RIT2: variants seen among roughly 807,000 people sequenced by gnomAD.
RIT2 encodes GTP-binding protein Rit2.
Under a neutral mutation model 23.7 loss-of-function variants are expected in RIT2, and 24 were observed. The observed-to-expected ratio is 1.01, with a 90% confidence interval of 0.73 to 1.43. The LOEUF is 1.43. Among genes scored for constraint, RIT2 ranks in the 40% most tolerant of loss-of-function variants. The pLI is 0.00. For missense variants in RIT2, 236 were observed against 266.9 expected, an observed-to-expected ratio of 0.88 and a Z score of 0.81; for synonymous variants, 107 against 91.1, an observed-to-expected ratio of 1.17 and a Z score of -0.99.
chr18:42,977,883 T>C (rs1910509868), intron 2 of RIT2, among the ~76,000 whole-genome samples: 1 of 150,172 alleles, frequency 6.7e-6, no homozygotes, highest in Non-Finnish European at 1.5e-5. Context: ...TGGCCAACCA[T>C]ACAATTTTTC....
chr18:43,090,739 T>C (rs1281069551), intron 1 of RIT2, among the ~76,000 whole-genome samples: 1 of 151,986 alleles, frequency 6.6e-6, no homozygotes, highest in African/African-American at 2.4e-5. Flanking sequence ...GCAAGTTTGC[T>C]AAGGCCATTA....
chr18:42,931,297 T>C (rs1458719797), intron 3 of RIT2, among the ~76,000 whole-genome samples: 1 of 152,162 alleles, frequency 6.6e-6, no homozygotes, highest in Non-Finnish European at 1.5e-5. Flanking sequence ...GGAAAGAGTA[T>C]CAAATCCTTA....
intron 4 of RIT2, among the ~76,000 whole-genome samples, chr18:42,831,921 T>C (rs926680456): frequency 5.9e-5 from 9 of 152,202 alleles, no homozygotes; most frequent in Non-Finnish European, 2.9e-5. Flanking sequence ...CCTACACTAA[T>C]CCTGTAGCTT....
chr18:42,769,095 T>C (rs557713492), intron 4 of RIT2, among the ~76,000 whole-genome samples: 20 of 152,260 alleles, frequency 1.3e-4, no homozygotes, highest in Admixed American at 3.9e-4. Context: ...GAAATCATCA[T>C]GTCCTTTGAT....
chr18:42,892,079 T>C (rs1908195038), intron 4 of RIT2, among the ~76,000 whole-genome samples: 1 of 152,136 alleles, frequency 6.6e-6, no homozygotes, highest in South Asian at 2.1e-4. Flanking sequence ...ATAAAGCCTA[T>C]TCACCACGAC....
intron 4 of RIT2, among the ~76,000 whole-genome samples, chr18:42,771,365 A>G (rs1913548132): frequency 6.6e-6 from 1 of 152,158 alleles, no homozygotes; most frequent in Non-Finnish European, 1.5e-5. Context: ...GACATATTTT[A>G]CTTAAAATTA....
intron 4 of RIT2, among the ~76,000 whole-genome samples, chr18:42,858,494 G>A (rs1907245295): frequency 6.6e-6 from 1 of 152,148 alleles, no homozygotes; most frequent in African/African-American, 2.4e-5. Context: ...CCACAAAGGA[G>A]TCCCCTGAAT....
At chr18:43,017,495 T>G in intron 2 of RIT2, among the ~76,000 whole-genome samples, 1 of 152,070 alleles carries the variant, frequency 6.6e-6, no homozygotes, top group East Asian at 1.9e-4. Flanking sequence ...TTTAATTAGC[T>G]TCTGAATTTA....
chr18:43,104,505 G>T (rs1194167657), intron 1 of RIT2, among the ~76,000 whole-genome samples: 1 of 151,890 alleles, frequency 6.6e-6, no homozygotes, highest in Non-Finnish European at 1.5e-5. Flanking sequence ...ATTATACATT[G>T]TATACACCTA....
chr18:43,105,122 GTGTGTGTGTT>G (rs1382762752), intron 1 of RIT2, among the ~76,000 whole-genome samples: 50 of 148,434 alleles, frequency 3.4e-4, no homozygotes, highest in Admixed American at 4.0e-4. Context: ...GTGTGTGTGT[GTGTGTGTGTT>G]TGTGTGTGTG....
chr18:42,879,876 A>G (rs1907841211), intron 4 of RIT2, among the ~76,000 whole-genome samples: 1 of 152,166 alleles, frequency 6.6e-6, no homozygotes, highest in Admixed American at 6.5e-5. Flanking sequence ...ATTGAGTTTT[A>G]ATCTCAATGT....
intron 2 of RIT2, among the ~76,000 whole-genome samples, chr18:43,028,161 A>G (rs1911775254): frequency 6.6e-6 from 1 of 152,030 alleles, no homozygotes; most frequent in South Asian, 2.1e-4. Context: ...ATGCACCTGT[A>G]TGTTTTGCAT....
intron 4 of RIT2, among the ~76,000 whole-genome samples, chr18:42,905,848 G>A (rs1173169012): frequency 2.0e-5 from 3 of 150,424 alleles, no homozygotes; most frequent in Non-Finnish European, 4.4e-5. Context: ...AAACTGATGA[G>A]ATAAAACAGA....
In RIT2 at chr18:42,921,863, C is replaced by T. The variant is rs145284943; in HGVS notation, c.426+1709G>A. 4.3e-3 allele frequency among the ~76,000 whole-genome samples: 648 copies of T among 152,202 alleles called. 8 individuals carry two copies. The highest frequency in any genetic ancestry group is 0.015 in the African/African-American group (611 of 41,556). The stretch of plus-strand genomic sequence containing the variant: ...CCCTAAGAAAAGTAAAGCACTAGCA[C>T]TCTTCAGAGGAGTATAGGAAAGGTT... On this transcript the variant is annotated intron_variant, in intron 4 of 4. Transcript: ENST00000326695.
intron 4 of RIT2, among the ~76,000 whole-genome samples, chr18:42,823,750 T>C (rs1906218282): frequency 6.6e-6 from 1 of 152,204 alleles, no homozygotes; most frequent in Admixed American, 6.6e-5. Context: ...TTCTATTTAA[T>C]GTTTACAGAA....
At chr18:42,766,834 C>A (rs1178694316) in intron 4 of RIT2, among the ~76,000 whole-genome samples, 2 of 152,204 alleles carry the variant, frequency 1.3e-5, no homozygotes, top group African/African-American at 2.4e-5. Flanking sequence ...GCTGCCCCAG[C>A]CGTGGCTGAA....
chr18:43,111,003 A>C (rs1913939339), intron 1 of RIT2, among the ~76,000 whole-genome samples: 1 of 152,136 alleles, frequency 6.6e-6, no homozygotes, highest in Non-Finnish European at 1.5e-5. Flanking sequence ...AAATCTACTA[A>C]TTTATGCAGC....
intron 4 of RIT2, among the ~76,000 whole-genome samples, chr18:42,837,550 T>G (rs1906651275): frequency 6.6e-6 from 1 of 152,144 alleles, no homozygotes; most frequent in African/African-American, 2.4e-5. Context: ...GGCACCTGTT[T>G]AGGGAACTAC....
intron 3 of RIT2, among the ~76,000 whole-genome samples, chr18:42,948,402 G>A (rs1909775832): frequency 6.6e-6 from 1 of 152,014 alleles, no homozygotes; most frequent in Admixed American, 6.6e-5. Context: ...GAGCAAGGAG[G>A]AGTTTATGAT....
Sources: gnomAD v4.1 joint callset for allele counts (sites outside exome capture counted in the v4.1 genomes callset) on GRCh38, gnomAD v4.1.1 for gene constraint, MANE v1.5 for transcripts, NCBI Gene and HGNC (gene_info 2026-07-23, HGNC 2026-07-21) for gene names.